Variants in CBX3 observed in about 807,000 individuals in gnomAD.
CBX3 encodes chromobox 3.
CBX3 carries 5 observed loss-of-function variants against 22.6 expected under a neutral mutation model. That is an observed-to-expected ratio of 0.22 (90% confidence interval 0.12 to 0.47). The LOEUF (loss-of-function observed/expected upper bound fraction) is 0.47, where lower values mean the gene tolerates loss of function less well. Among genes scored for constraint, CBX3 ranks in the 20% least tolerant of loss-of-function variants. The pLI is 0.99. For missense variants in CBX3, 83 were observed against 208.1 expected (o/e 0.40, Z 3.70); for synonymous variants, 50 against 66.6 (o/e 0.75, Z 1.21).
chr7:26,211,290 TGTCA>T (rs1220452877), intron 4 of CBX3, among the ~76,000 whole-genome samples: 2 of 152,200 alleles, frequency 1.3e-5, no homozygotes, highest in Non-Finnish European at 2.9e-5. Context: ...TTTTAAAATG[TGTCA>T]GTAATTCAGA....
intron 3 of CBX3, among the ~76,000 whole-genome samples, chr7:26,207,664 G>A (rs954371689): frequency 3.3e-5 from 5 of 151,980 alleles, no homozygotes; most frequent in South Asian, 2.1e-4. Flanking sequence ...GACTACAGGC[G>A]CCTGCCACTA....
chr7:26,211,271 T>C (rs1190712656), intron 4 of CBX3, among the ~76,000 whole-genome samples: 2 of 152,222 alleles, frequency 1.3e-5, no homozygotes, highest in African/African-American at 4.8e-5. Context: ...GTTTGTGTTT[T>C]GTTTATGCTT....
At chr7:26,201,873 C>G (rs894866279) in intron 1 of CBX3, 47 bp downstream of exon 1, 1 of 130,628 alleles carries the variant, frequency 7.7e-6, no homozygotes, top group African/African-American at 2.8e-5. Context: ...GGTGGTGCTT[C>G]AGATGCCACA....
At chr7:26,208,339 G>A (rs1584038882) in intron 3 of CBX3, 54 bp from the exon 4 acceptor site, 1 of 1,394,380 alleles carries the variant, frequency 7.2e-7, no homozygotes, top group East Asian at 2.3e-5. Context: ...GGATAATGGT[G>A]ATGAATCATA....
intron 2 of CBX3, chr7:26,206,125 C>A (rs936972269): frequency 2.9e-5 from 11 of 385,098 alleles, no homozygotes; most frequent in Non-Finnish European, 4.2e-5. Flanking sequence ...TAACTGTTTC[C>A]AGATAGTGTT....
At position 26,206,349 on chromosome 7, in the gene CBX3, C is replaced by G. The variant is rs747054756; in HGVS notation, c.25-19C>G. The stretch of plus-strand genomic sequence containing the variant: ...ATTCAAGAGGAATATTTCTTAATTT[C>G]TCTTTTGTTTTATTTTAGCAAAAAA... On this transcript the variant is annotated intron_variant, in intron 2 of 5. Coordinates refer to ENST00000396386, the MANE Select transcript of CBX3 (RefSeq NM_016587.4). 1 of 1,528,780 alleles carries G rather than the reference C, an allele frequency of 6.5e-7. No individual in the cohort carries two copies. The highest frequency in any genetic ancestry group is 8.9e-7 in the Non-Finnish European group (1 of 1,117,904). 94.7% of individuals were successfully genotyped at this position (1,528,780 alleles called of 1,614,324 possible).
At chr7:26,206,222 T>A (rs1385691630) in intron 2 of CBX3, 146 bp from the exon 3 acceptor site, 2 of 586,542 alleles carry the variant, frequency 3.4e-6, no homozygotes, top group Non-Finnish European at 5.9e-6. Context: ...GTCTGTTGAC[T>A]TTTAATCTTT....
intron 4 of CBX3, 32 bp downstream of exon 4, chr7:26,208,587 C>T (rs1353345935): frequency 6.4e-6 from 10 of 1,555,542 alleles, no homozygotes; most frequent in African/African-American, 1.4e-5. Context: ...CCAGCTTGTC[C>T]TTTTGTAAAA....
intron 2 of CBX3, among the ~76,000 whole-genome samples, chr7:26,205,368 A>AT (rs1279535212): frequency 2.0e-5 from 3 of 152,062 alleles, no homozygotes; most frequent in Non-Finnish European, 1.5e-5. Context: ...GGAAGGAAGG[A>AT]TTTTTTTCAC....
chr7:26,206,221 CTT>C (rs1233960799), intron 2 of CBX3, 145 bp from the exon 3 acceptor site: 3 of 581,116 alleles, frequency 5.2e-6, no homozygotes, highest in African/African-American at 3.8e-5. Flanking sequence ...TGTCTGTTGA[CTT>C]TTAATCTTTC....
In CBX3 at chr7:26,208,567, A is replaced by C; in HGVS notation, c.330+12A>C. The C allele has an allele frequency of 6.3e-7, 1 of 1,585,712 alleles. No individual in the cohort carries two copies. Among genetic ancestry groups the C allele is most frequent in the Non-Finnish European group, 8.6e-7 (1 of 1,162,548 alleles). ...AGAAAAGAGATGCTGTAAGTATAAA[A>C]TATTGCCCACCAGCTTGTCCTTTTG... On this transcript the variant is annotated intron_variant, in intron 4 of 5. Coordinates refer to ENST00000396386, the MANE Select transcript of CBX3 (RefSeq NM_016587.4).
At chr7:26,207,678 C>T (rs528248270) in intron 3 of CBX3, among the ~76,000 whole-genome samples, 1 of 152,018 alleles carries the variant, frequency 6.6e-6, no homozygotes, top group Admixed American at 6.5e-5. Flanking sequence ...GCCACTATGC[C>T]CGGCTAATTT....
intron 4 of CBX3, among the ~76,000 whole-genome samples, chr7:26,211,335 A>G (rs1335114532): frequency 6.6e-6 from 1 of 152,228 alleles, no homozygotes; most frequent in Non-Finnish European, 1.5e-5. Context: ...GAAATATATT[A>G]ACTTTCAAGA....
chr7:26,208,689 T>A, intron 4 of CBX3, 134 bp downstream of exon 4: 1 of 740,930 alleles, frequency 1.3e-6, no homozygotes, highest in South Asian at 2.0e-5. Context: ...GGCATGATCT[T>A]GGTCACTGCA....
chr7:26,207,601 C>G (rs1784708664), intron 3 of CBX3, among the ~76,000 whole-genome samples: 1 of 152,042 alleles, frequency 6.6e-6, no homozygotes, highest in Non-Finnish European at 1.5e-5. Context: ...TCACTGCAAC[C>G]TCTGCCTTCC....
rs1315223245 is a variant in CBX3, at chr7:26,203,405, GCCCAATTTAAAGAACAAGGTA to G, written c.24+386_24+406del. ...ATTCTGGAGAAGTATTTTCATTAAAGCCCAATTTAAAGAACAAGGTACCTTGTGCACCTAGGTTGGAGCAAA... is the reference window on the plus strand; with the variant it reads ...ATTCTGGAGAAGTATTTTCATTAAAGCCTTGTGCACCTAGGTTGGAGCAAA... On this transcript the variant is annotated intron_variant, in intron 2 of 5. Coordinates refer to ENST00000396386, the MANE Select transcript of CBX3 (RefSeq NM_016587.4). 2.6e-5 allele frequency among the ~76,000 whole-genome samples: 4 copies of G among 152,140 alleles called. No individual in the cohort carries two copies. In the South Asian group the frequency reaches 6.2e-4, roughly 24 times the overall value.
chr7:26,202,703 G>C (rs921046599), intron 1 of CBX3: 27 of 418,832 alleles, frequency 6.4e-5, no homozygotes, highest in South Asian at 4.9e-4. Flanking sequence ...GACTTAGATT[G>C]GAAAAGACAT....
At position 26,203,316 on chromosome 7, in the gene CBX3, G is replaced by GA. The variant is rs534373592; in HGVS notation, c.24+299dup. 5.5e-3 allele frequency among the ~76,000 whole-genome samples: 833 copies of GA among 152,274 alleles called. 2 individuals are homozygous for GA. The highest frequency in any genetic ancestry group is 9.3e-3 in the Non-Finnish European group (635 of 68,018). ...GAAATACACACATTTTTGCAGCGTT[G>GA]AAAAATGTTACATAAAATGGTAAAG... On this transcript the variant is annotated intron_variant, in intron 2 of 5. Coordinates refer to ENST00000396386, the MANE Select transcript of CBX3 (RefSeq NM_016587.4).
At chr7:26,201,602 G>T (rs1287411228), upstream of CBX3, 1 of 149,992 alleles carries the variant, frequency 6.7e-6, no homozygotes, top group Non-Finnish European at 1.5e-5. Flanking sequence ...CTCCCCCTAG[G>T]GCCCCAATTC....
Sources: allele counts gnomAD v4.1 joint callset (sites outside exome capture counted in the v4.1 genomes callset), GRCh38; gene constraint gnomAD v4.1.1; transcripts MANE v1.5; gene names NCBI Gene and HGNC (gene_info 2026-07-23, HGNC 2026-07-21).